Variants in CDH18 observed in about 807,000 individuals in gnomAD.
CDH18 encodes the protein cadherin 18.
A neutral mutation model predicts 67.9 loss-of-function variants in CDH18; 31 were observed. That is an observed-to-expected ratio of 0.46 (90% CI 0.34 to 0.62). The LOEUF (loss-of-function observed/expected upper bound fraction) is 0.62. CDH18 is among the 20% of genes least tolerant of loss of function. The pLI is 0.01. For synonymous variants in CDH18, 362 were observed against 347.2 expected, an observed-to-expected ratio of 1.04 and a Z score of -0.48; for missense variants, 890 against 975.5, an observed-to-expected ratio of 0.91 and a Z score of 1.17.
At chr5:20,165,561 T>C (rs116728139) in intron 2 of CDH18, among the ~76,000 whole-genome samples, 2,361 of 152,206 alleles carry the variant, frequency 0.016, 32 homozygotes, top group Non-Finnish European at 0.02. Flanking sequence ...AGGATGCATA[T>C]ATTAGTATAG....
intron 2 of CDH18, among the ~76,000 whole-genome samples, chr5:19,931,529 A>G (rs1793695603): frequency 6.6e-6 from 1 of 151,942 alleles, no homozygotes; most frequent in African/African-American, 2.4e-5. Flanking sequence ...AAATACAAGT[A>G]CTGATTCCTT....
intron 2 of CDH18, among the ~76,000 whole-genome samples, chr5:20,164,413 A>G (rs1191673706): frequency 6.6e-6 from 1 of 152,082 alleles, no homozygotes; most frequent in Non-Finnish European, 1.5e-5. Context: ...CAGCCTCCCA[A>G]GTAGCCTGGG....
At chr5:19,739,967 G>A (rs2150690385) in intron 4 of CDH18, among the ~76,000 whole-genome samples, 1 of 152,182 alleles carries the variant, frequency 6.6e-6, no homozygotes, top group East Asian at 1.9e-4. Flanking sequence ...ACAGCCTGGG[G>A]CCTTAGAGAT....
At chr5:19,616,811 A>G (rs976589797) in intron 5 of CDH18, among the ~76,000 whole-genome samples, 75 of 152,300 alleles carry the variant, frequency 4.9e-4, no homozygotes, top group African/African-American at 1.7e-3. Flanking sequence ...TCGAGGTACC[A>G]GATGATTTTA....
At chr5:19,851,245 G>A (rs1264047215) in intron 2 of CDH18, among the ~76,000 whole-genome samples, 1 of 151,634 alleles carries the variant, frequency 6.6e-6, no homozygotes, top group Non-Finnish European at 1.5e-5. Flanking sequence ...GGAATATTTA[G>A]AAGGTTTTTA....
At chr5:20,248,273 T>C (rs10071248) in intron 2 of CDH18, among the ~76,000 whole-genome samples, 69,719 of 151,860 alleles carry the variant, frequency 0.46, 16,071 homozygotes, top group South Asian at 0.52. Context: ...CAAAAAGAGA[T>C]GCTTGACTTT....
At chr5:20,414,529 G>C (rs986000937) in intron 1 of CDH18, among the ~76,000 whole-genome samples, 3 of 152,096 alleles carry the variant, frequency 2.0e-5, no homozygotes, top group Admixed American at 1.3e-4. Flanking sequence ...CTCACTCTTT[G>C]GGTGATGGAT....
intron 2 of CDH18, among the ~76,000 whole-genome samples, chr5:20,050,253 T>C (rs1261036045): frequency 6.6e-6 from 1 of 151,880 alleles, no homozygotes; most frequent in Non-Finnish European, 1.5e-5. Context: ...TATTTTGTTT[T>C]TTAAAATGCC....
intron 2 of CDH18, among the ~76,000 whole-genome samples, chr5:20,167,907 T>C (rs77447168): frequency 6.0e-4 from 91 of 152,292 alleles, no homozygotes; most frequent in Non-Finnish European, 1.1e-3. Flanking sequence ...AGAAAAGCTG[T>C]AGTCCATGCG....
At chr5:19,545,800 T>C (rs978908232) in intron 8 of CDH18, among the ~76,000 whole-genome samples, 7 of 152,064 alleles carry the variant, frequency 4.6e-5, no homozygotes, top group African/African-American at 1.7e-4. Context: ...AAAGCAAAAG[T>C]CAAATATGGG....
At chr5:20,559,682 T>C (rs1758096928) in intron 1 of CDH18, among the ~76,000 whole-genome samples, 1 of 151,914 alleles carries the variant, frequency 6.6e-6, no homozygotes, top group Admixed American at 6.6e-5. Flanking sequence ...TATACAGAAA[T>C]GTGAAGAATA....
intron 8 of CDH18, among the ~76,000 whole-genome samples, chr5:19,558,679 C>G (rs1342250293): frequency 1.3e-5 from 2 of 151,776 alleles, no homozygotes; most frequent in African/African-American, 4.8e-5. Flanking sequence ...AAAAAAAAGT[C>G]CAGGACCAGA....
intron 2 of CDH18, among the ~76,000 whole-genome samples, chr5:20,231,606 G>GAA: frequency 7.3e-6 from 1 of 136,962 alleles, no homozygotes; most frequent in African/African-American, 2.7e-5. Flanking sequence ...ATCTCAAAAA[G>GAA]AAAAAAAAAG....
At chr5:20,256,992 C>CTA (rs1236542763) in intron 1 of CDH18, among the ~76,000 whole-genome samples, 26 of 132,738 alleles carry the variant, frequency 2.0e-4, no homozygotes, top group Admixed American at 4.6e-4. Flanking sequence ...CTATATCTAT[C>CTA]TATCTATCTA....
At chr5:20,453,510 C>A (rs1750619015) in intron 1 of CDH18, among the ~76,000 whole-genome samples, 2 of 151,878 alleles carry the variant, frequency 1.3e-5, no homozygotes, top group East Asian at 3.9e-4. Context: ...GAAATAATAT[C>A]CTATCAATCA....
intron 2 of CDH18, among the ~76,000 whole-genome samples, chr5:20,029,036 A>T (rs1379135918): frequency 6.6e-6 from 1 of 151,938 alleles, no homozygotes; most frequent in African/African-American, 2.4e-5. Context: ...AATCTTTTGG[A>T]TCCAAGGATC....
chr5:20,494,289 T>C (rs1753775931), intron 1 of CDH18, among the ~76,000 whole-genome samples: 1 of 151,986 alleles, frequency 6.6e-6, no homozygotes, highest in African/African-American at 2.4e-5. Flanking sequence ...TGAGTGTAGA[T>C]ATTAGAAGTA....
At chr5:19,787,959 C>T (rs1276985190) in intron 3 of CDH18, among the ~76,000 whole-genome samples, 2 of 151,694 alleles carry the variant, frequency 1.3e-5, no homozygotes, top group African/African-American at 4.8e-5. Flanking sequence ...AATAATAGCA[C>T]CTATTAATAT....
intron 2 of CDH18, among the ~76,000 whole-genome samples, chr5:20,141,933 C>T (rs944976669): frequency 1.3e-5 from 2 of 151,254 alleles, no homozygotes; most frequent in Non-Finnish European, 2.9e-5. Flanking sequence ...AAAAATAGAG[C>T]AAAATGTGAA....
Sources: allele counts gnomAD v4.1 joint callset (sites outside exome capture counted in the v4.1 genomes callset), GRCh38; gene constraint gnomAD v4.1.1; transcripts MANE v1.5; gene names NCBI Gene and HGNC (gene_info 2026-07-23, HGNC 2026-07-21).